LIAS: variants seen among roughly 807,000 people sequenced by gnomAD.
The protein encoded by LIAS is lipoyl synthase, mitochondrial.
Under a neutral mutation model 49.4 loss-of-function variants are expected in LIAS, and 36 were observed. The ratio of observed to expected loss-of-function variants is 0.73; its 90% CI spans 0.56 to 0.96. The LOEUF (loss-of-function observed/expected upper bound fraction) is 0.96, where lower values mean the gene tolerates loss of function less well. LIAS is among the 40% of genes least tolerant of loss of function. The pLI is 0.00. For missense variants in LIAS, 399 were observed against 456.3 expected, an observed-to-expected ratio of 0.87 and a Z score of 1.14; for synonymous variants, 145 against 155.8, an observed-to-expected ratio of 0.93 and a Z score of 0.52.
chr4:39,464,694 C>A (rs969610609), intron 4 of LIAS, among the ~76,000 whole-genome samples: 1 of 152,092 alleles, frequency 6.6e-6, no homozygotes, highest in Non-Finnish European at 1.5e-5. Flanking sequence ...CCGTGTTGCC[C>A]ATGCTGGTCT....
Position 39,463,494 on chromosome 4 carries a change from C to T in LIAS, c.313-31C>T, listed in dbSNP as rs563505029. 4 of 1,569,100 alleles carry T rather than the reference C, an allele frequency of 2.5e-6. No homozygotes were observed. The South Asian group carries it at 3.5e-5, about 14-fold the overall frequency. On this transcript the variant is annotated intron_variant, in intron 3 of 10. Transcript: ENST00000640888. ...TGTTTAGTTGGTGGATATTGTCAACCTAATGGTGTTCCATTTCCTTTTGCA... is the reference window on the plus strand; with the variant it reads ...TGTTTAGTTGGTGGATATTGTCAACTTAATGGTGTTCCATTTCCTTTTGCA...
At chr4:39,469,923 G>A (rs1260155702) in intron 7 of LIAS, 96 bp from the exon 8 acceptor site, 29 of 1,097,008 alleles carry the variant, frequency 2.6e-5, no homozygotes, top group Admixed American at 6.8e-5. Context: ...AAGATAATGT[G>A]CAGAATGTAC....
At position 39,465,325 on chromosome 4, in the gene LIAS, A is replaced by G; in HGVS notation, c.591A>G (p.Val197=). The G allele has an allele frequency of 1.2e-6, 2 of 1,610,644 alleles. No individual in the cohort carries two copies. Among genetic ancestry groups the G allele is most frequent in the South Asian group, 2.2e-5 (2 of 90,152 alleles). Residue 197 remains valine (V), a synonymous_variant, in exon 6 of 11, where the codon GTA becomes GTG. Transcript: ENST00000640888. ...GAGCTGAACACATTGCAAAGACCGTATCATATTTAAAGGAAAGGTACTTAT... is the reference window on the plus strand; with the variant it reads ...GAGCTGAACACATTGCAAAGACCGTGTCATATTTAAAGGAAAGGTACTTAT... ...DGGAEHIAKT[V]SYLKERNPKI... is the part of the protein sequence containing the mutation.
intron 3 of LIAS, 91 bp from the exon 4 acceptor site, chr4:39,463,434 T>G: frequency 7.1e-7 from 1 of 1,406,342 alleles, no homozygotes; most frequent in Non-Finnish European, 9.4e-7. Context: ...TTGTAAACAA[T>G]GAGAAGTTTA....
intron 3 of LIAS, among the ~76,000 whole-genome samples, chr4:39,462,908 G>C (rs1744583047): frequency 6.6e-6 from 1 of 152,146 alleles, no homozygotes; most frequent in South Asian, 2.1e-4. Flanking sequence ...AATCACTTGA[G>C]CTTGGGAGGT....
intron 1 of LIAS, among the ~76,000 whole-genome samples, chr4:39,460,074 G>A (rs1193594468): frequency 6.6e-6 from 1 of 152,198 alleles, no homozygotes; most frequent in Admixed American, 6.5e-5. Flanking sequence ...CAAAGCTCGA[G>A]AGATTTATTG....
chr4:39,475,585 C>T (rs73137463), intron 10 of LIAS: 8,908 of 152,076 alleles, frequency 0.059, 290 homozygotes, highest in Non-Finnish European at 0.07. Context: ...CATTTAAGGC[C>T]GGGTGCAGTG....
intron 6 of LIAS, 99 bp from the exon 7 acceptor site, chr4:39,467,419 G>GT: frequency 8.7e-7 from 1 of 1,152,838 alleles, no homozygotes; most frequent in South Asian, 1.8e-5. Flanking sequence ...AAAGGTTACT[G>GT]TGTTGAAGCA....
chr4:39,461,011 A>C (rs1033759559), intron 2 of LIAS, 49 bp downstream of exon 2: 1 of 1,469,774 alleles, frequency 6.8e-7, no homozygotes, highest in Non-Finnish European at 9.2e-7. Context: ...TTTATTGTGC[A>C]TTATTTTCAG....
chr4:39,477,337 T>A lies in LIAS; in HGVS notation c.*222T>A. The A allele has an allele frequency of 2.6e-6, 1 of 389,684 alleles. No individual in the cohort carries two copies. The allele number at this position is 389,684 out of a possible 1,614,324, so 24.1% of individuals were successfully genotyped here. ...TGAGGTCAGGAGTTCGAGACCAGCCTGGCCAACATGGTGAAATCCTGTCTC... is the reference window on the plus strand; with the variant it reads ...TGAGGTCAGGAGTTCGAGACCAGCCAGGCCAACATGGTGAAATCCTGTCTC... On this transcript the variant is annotated 3_prime_UTR_variant, in exon 11 of 11. Transcript: ENST00000640888.
chr4:39,460,123 C>G (rs1417891681), intron 1 of LIAS, among the ~76,000 whole-genome samples: 5 of 152,188 alleles, frequency 3.3e-5, no homozygotes, highest in Non-Finnish European at 5.9e-5. Context: ...AAGTCAGGAC[C>G]AGAACAGTTT....
chr4:39,463,484 T>C (rs1254581643), intron 3 of LIAS, 41 bp from the exon 4 acceptor site: 1 of 1,534,242 alleles, frequency 6.5e-7, no homozygotes, highest in East Asian at 2.4e-5. Context: ...AGTTGGTGGA[T>C]ATTGTCAACC....
intron 10 of LIAS, 142 bp from the exon 11 acceptor site, chr4:39,476,921 T>C: frequency 1.7e-6 from 1 of 599,078 alleles, no homozygotes; most frequent in Non-Finnish European, 2.9e-6. Flanking sequence ...AATATTGCCA[T>C]TGAGGTTTGA....
intron 10 of LIAS, chr4:39,476,645 C>A: frequency 6.4e-6 from 1 of 156,494 alleles, no homozygotes; most frequent in Non-Finnish European, 1.4e-5. Flanking sequence ...GTCTGCTCAG[C>A]TGCAACGAGA....
At chr4:39,465,594 C>T (rs1391892653) in intron 6 of LIAS, among the ~76,000 whole-genome samples, 2 of 152,160 alleles carry the variant, frequency 1.3e-5, no homozygotes, top group Admixed American at 1.3e-4. Context: ...AGAATCCCTC[C>T]CTCATATTAG....
rs143279297 is a variant in LIAS, at chr4:39,474,423, A to G, written c.1066+1212A>G. 5.9e-4 allele frequency among the ~76,000 whole-genome samples: 90 copies of G among 151,948 alleles called. No individual in the cohort carries two copies. In the East Asian group the frequency reaches 0.016, roughly 27 times the overall value. On this transcript the variant is annotated intron_variant, in intron 10 of 10. Transcript: ENST00000640888. ...GCTCCAGCCTGGGTGACAGAGCAAG[A>G]CACTGTGTCTCAAAAATAAAATAAA...
At position 39,477,108 on chromosome 4, in the gene LIAS, A is replaced by T; in HGVS notation, c.1112A>T (p.Asp371Val). The stretch of plus-strand genomic sequence containing the variant: ...CTAGTGGCTAAAAGAAAAACAAAAG[A>T]CCTCTAAAACTTCAACAAGACCTTC... ...KNLVAKRKTKDL is the reference protein window; with the variant it reads ...KNLVAKRKTKVL Residue 371 changes from aspartate to valine, a missense_variant, in exon 11 of 11, where the codon GAC becomes GTC. By Grantham distance (152) the Asp-to-Val change is radical. Around this residue, in one of 3 missense-constraint regions of LIAS, gnomAD observed 234 missense variants for 292.2 expected, o/e 0.80. Coordinates refer to ENST00000640888, the MANE Select transcript of LIAS (RefSeq NM_006859.4). The T allele has an allele frequency of 6.3e-7, 1 of 1,597,670 alleles. No homozygotes were observed. Among genetic ancestry groups the T allele is most frequent in the African/African-American group, 1.4e-5 (1 of 73,960 alleles).
In LIAS at chr4:39,459,173, G is replaced by C. The variant is rs1210704583; in HGVS notation, c.45+11G>C. The C allele has an allele frequency of 6.2e-7, 1 of 1,611,842 alleles. No individual in the cohort carries two copies. The highest frequency in any genetic ancestry group is 1.7e-5 in the Admixed American group (1 of 59,966). On this transcript the variant is annotated intron_variant, in intron 1 of 10. Transcript: ENST00000640888. ...ACCCTGGGGCCCCGGGTGAGCGGCG[G>C]GGCGAACGGGTTTGGGCGTGGGGTG... is the stretch of plus-strand genomic sequence containing the variant.
chr4:39,465,750 C>G (rs1250676409), intron 6 of LIAS, among the ~76,000 whole-genome samples: 1 of 151,564 alleles, frequency 6.6e-6, no homozygotes, highest in Non-Finnish European at 1.5e-5. Context: ...ACCTCTGCCT[C>G]CCAGTTCAAG....
Sources: allele counts gnomAD v4.1 joint callset (sites outside exome capture counted in the v4.1 genomes callset), GRCh38; gene constraint gnomAD v4.1.1; regional missense constraint gnomAD v4.1.1; transcripts MANE v1.5; gene names NCBI Gene and HGNC (gene_info 2026-07-23, HGNC 2026-07-21).